Variants in KHDRBS2 observed in about 807,000 individuals in gnomAD.
The protein encoded by KHDRBS2 is KH domain-containing, RNA-binding, signal transduction-associated protein 2.
Under a neutral mutation model 44.3 loss-of-function variants are expected in KHDRBS2, and 26 were observed. The observed-to-expected ratio is 0.59, with a 90% CI of 0.43 to 0.81. KHDRBS2 has a LOEUF of 0.81. Among genes scored for constraint, KHDRBS2 ranks in the 40% least tolerant of loss-of-function variants. KHDRBS2 has a pLI of 0.00. For synonymous variants in KHDRBS2, 194 were observed against 151.1 expected, an observed-to-expected ratio of 1.28 and a Z score of -2.08; for missense variants, 476 against 433.1, an observed-to-expected ratio of 1.10 and a Z score of -0.88.
At chr6:62,060,522 C>T (rs1379181111) in intron 2 of KHDRBS2, among the ~76,000 whole-genome samples, 2 of 151,014 alleles carry the variant, frequency 1.3e-5, no homozygotes, top group South Asian at 2.1e-4. Flanking sequence ...TGATTCTAGG[C>T]CAAGATACCA....
the KHDRBS2 span, among the ~76,000 whole-genome samples, chr6:61,599,382 C>T: frequency 6.6e-6 from 1 of 152,138 alleles, no homozygotes. Context: ...TGTTTTCATA[C>T]AAAGTCCCAG....
At chr6:61,633,718 A>C in the KHDRBS2 span, among the ~76,000 whole-genome samples, 1 of 152,028 alleles carries the variant, frequency 6.6e-6, no homozygotes, top group Non-Finnish European at 1.5e-5. Context: ...TGTTTGCCAA[A>C]TATAAGAATG....
intron 1 of KHDRBS2, among the ~76,000 whole-genome samples, chr6:62,275,556 A>T (rs1276944457): frequency 6.6e-6 from 1 of 152,194 alleles, no homozygotes; most frequent in Non-Finnish European, 1.5e-5. Context: ...TTATAAAATG[A>T]ATGTACTGGT....
chr6:61,912,951 C>T (rs1208762223), intron 4 of KHDRBS2, among the ~76,000 whole-genome samples: 1 of 152,156 alleles, frequency 6.6e-6, no homozygotes. Flanking sequence ...CTCTTGGAAT[C>T]ACTCTCAATA....
chr6:61,705,930 G>A (rs1224888516), intron 7 of KHDRBS2, among the ~76,000 whole-genome samples: 1 of 151,704 alleles, frequency 6.6e-6, no homozygotes, highest in Non-Finnish European at 1.5e-5. Context: ...GCTATTATTT[G>A]CTTATCTGTC....
At chr6:62,261,390 GT>G (rs1397548637) in intron 1 of KHDRBS2, among the ~76,000 whole-genome samples, 1 of 151,746 alleles carries the variant, frequency 6.6e-6, no homozygotes, top group Non-Finnish European at 1.5e-5. Context: ...AAGCCCACCT[GT>G]CTCAATGAGT....
chr6:61,663,882 C>A, the KHDRBS2 span, among the ~76,000 whole-genome samples: 1 of 151,492 alleles, frequency 6.6e-6, no homozygotes, highest in African/African-American at 2.4e-5. Context: ...CTCACATTAT[C>A]AGTTAGGGAG....
chr6:62,208,342 G>C (rs1363175889), intron 1 of KHDRBS2, among the ~76,000 whole-genome samples: 1 of 152,150 alleles, frequency 6.6e-6, no homozygotes, highest in Non-Finnish European at 1.5e-5. Flanking sequence ...TGGTCCTCAT[G>C]CTTCAGCCTC....
chr6:61,959,880 C>T (rs1318671874), intron 4 of KHDRBS2, among the ~76,000 whole-genome samples: 1 of 152,140 alleles, frequency 6.6e-6, no homozygotes, highest in Non-Finnish European at 1.5e-5. Flanking sequence ...GGCTCCCTGC[C>T]TCTGTGCTCC....
At chr6:61,610,017 CA>C in the KHDRBS2 span, among the ~76,000 whole-genome samples, 13 of 150,710 alleles carry the variant, frequency 8.6e-5, no homozygotes, top group South Asian at 4.2e-4. Context: ...GCTAAAAATA[CA>C]AAAAAAAATT....
At chr6:61,733,291 G>A (rs1456962244) in intron 6 of KHDRBS2, among the ~76,000 whole-genome samples, 2 of 152,050 alleles carry the variant, frequency 1.3e-5, no homozygotes, top group Non-Finnish European at 1.5e-5. Flanking sequence ...GAAAGAAGGA[G>A]TGAAATAAAG....
At chr6:62,282,868 T>G (rs1333820850) in intron 1 of KHDRBS2, among the ~76,000 whole-genome samples, 1 of 152,118 alleles carries the variant, frequency 6.6e-6, no homozygotes, top group Non-Finnish European at 1.5e-5. Flanking sequence ...TCCAACTCCT[T>G]AATTTGAGAG....
At chr6:62,108,183 G>A (rs1003924847) in intron 2 of KHDRBS2, among the ~76,000 whole-genome samples, 116 of 152,050 alleles carry the variant, frequency 7.6e-4, no homozygotes, top group Non-Finnish European at 1.4e-3. Flanking sequence ...GAAAATTTTC[G>A]CAACCTACTC....
the KHDRBS2 span, among the ~76,000 whole-genome samples, chr6:61,589,607 C>T: frequency 6.6e-6 from 1 of 152,162 alleles, no homozygotes; most frequent in Non-Finnish European, 1.5e-5. Flanking sequence ...CCCCTTCTTA[C>T]TATTTGGATA....
At chr6:61,723,648 T>C (rs930551269) in intron 7 of KHDRBS2, among the ~76,000 whole-genome samples, 6 of 151,908 alleles carry the variant, frequency 3.9e-5, no homozygotes, top group African/African-American at 7.2e-5. Flanking sequence ...CTGATGGAGC[T>C]GAAAAACTCA....
At chr6:62,178,396 A>G (rs1821580971) in intron 1 of KHDRBS2, among the ~76,000 whole-genome samples, 1 of 151,652 alleles carries the variant, frequency 6.6e-6, no homozygotes, top group African/African-American at 2.4e-5. Context: ...AAGAACCTGT[A>G]GAATACATGA....
chr6:61,593,975 T>C, the KHDRBS2 span, among the ~76,000 whole-genome samples: 1 of 152,084 alleles, frequency 6.6e-6, no homozygotes, highest in African/African-American at 2.4e-5. Context: ...AGTCAAAGCT[T>C]TGGTAAAATA....
At chr6:61,824,172 G>C (rs1562251704) in intron 6 of KHDRBS2, among the ~76,000 whole-genome samples, 2 of 152,072 alleles carry the variant, frequency 1.3e-5, no homozygotes, top group Non-Finnish European at 2.9e-5. Flanking sequence ...ATCTTGTCTA[G>C]TCAAATGATA....
rs187424651 is a variant in KHDRBS2, at chr6:62,053,301, T to C, written c.220-5307A>G. 1.8e-3 allele frequency among the ~76,000 whole-genome samples: 276 copies of C among 151,406 alleles called. 10 individuals carry two copies. The South Asian group carries it at 0.052, about 29-fold the overall frequency. ...AGAACTCAGCAGGAGAATATAACCT[T>C]CATACCAAAACCAAATCAGAAAAGG... On this transcript the variant is annotated intron_variant, in intron 2 of 8. Transcript: ENST00000281156.
Sources: allele counts gnomAD v4.1 joint callset (sites outside exome capture counted in the v4.1 genomes callset), GRCh38; gene constraint gnomAD v4.1.1; transcripts MANE v1.5; gene names NCBI Gene and HGNC (gene_info 2026-07-23, HGNC 2026-07-21).